DHDDS: variants seen among roughly 807,000 people sequenced by gnomAD.
DHDDS encodes the protein dehydrodolichyl diphosphate synthase complex subunit DHDDS.
A neutral mutation model predicts 46.2 loss-of-function variants in DHDDS; 16 were observed. That is an observed-to-expected ratio of 0.35 (90% CI 0.23 to 0.53). The LOEUF (loss-of-function observed/expected upper bound fraction) is 0.53, where lower values mean the gene tolerates loss of function less well. Among genes scored for constraint, DHDDS ranks in the 20% least tolerant of loss-of-function variants. The pLI, the probability that DHDDS is intolerant of heterozygous loss-of-function variation, is 0.94. For missense variants in DHDDS, 340 were observed against 423.7 expected (o/e 0.80, Z 1.73); for synonymous variants, 151 against 163.1 (o/e 0.93, Z 0.56).
intron 8 of DHDDS, among the ~76,000 whole-genome samples, chr1:26,463,742 G>T (rs1328568906): frequency 1.3e-5 from 2 of 152,156 alleles, no homozygotes; most frequent in Non-Finnish European, 2.9e-5. Flanking sequence ...CCGACCTCAG[G>T]TGATCTGCCC....
chr1:26,452,968 C>T (rs1182364861), intron 6 of DHDDS, among the ~76,000 whole-genome samples: 1 of 151,952 alleles, frequency 6.6e-6, no homozygotes, highest in African/African-American at 2.4e-5. Context: ...TGTGCTGGCA[C>T]ACACCTGTAG....
At chr1:26,442,351 G>T (rs2075226814) in intron 3 of DHDDS, among the ~76,000 whole-genome samples, 1 of 152,116 alleles carries the variant, frequency 6.6e-6, no homozygotes, top group South Asian at 2.1e-4. Flanking sequence ...TGTAAGGGAT[G>T]GATTGTGATC....
chr1:26,437,436 A>T (rs1428621628), intron 2 of DHDDS, among the ~76,000 whole-genome samples: 1 of 151,642 alleles, frequency 6.6e-6, no homozygotes. Flanking sequence ...GCTTGAGCCC[A>T]GGAGTTCGAG....
Position 26,433,014 on chromosome 1 carries a change from C to T in DHDDS, c.63+6C>T. On this transcript the variant is annotated splice_donor_region_variant and intron_variant, in intron 2 of 8. Coordinates refer to ENST00000236342, the MANE Select transcript of DHDDS (RefSeq NM_205861.3). ...TCTGTGCCAACATCATAAAGGTGAGCAATGGCCCAGAGCACCGGTTGGCCT... is the reference window on the plus strand; with the variant it reads ...TCTGTGCCAACATCATAAAGGTGAGTAATGGCCCAGAGCACCGGTTGGCCT... The T allele has an allele frequency of 1.2e-6, 2 of 1,614,138 alleles. No individual in the cohort carries two copies. The highest frequency in any genetic ancestry group is 1.7e-5 in the Admixed American group (1 of 60,022).
At chr1:26,443,101 C>T (rs2075235072) in intron 4 of DHDDS, 1 of 699,804 alleles carries the variant, frequency 1.4e-6, no homozygotes, top group Non-Finnish European at 2.1e-6. Flanking sequence ...AGGGGTGTCA[C>T]ATGATTTAAG....
In DHDDS at chr1:26,468,974, T is replaced by C. The variant is rs775810457; in HGVS notation, c.845T>C (p.Leu282Pro). 14 of 1,614,034 alleles carry C rather than the reference T, an allele frequency of 8.7e-6. No individual in the cohort carries two copies. Among genetic ancestry groups the C allele is most frequent in the Non-Finnish European group, 1.2e-5 (14 of 1,180,018 alleles). Residue 282 changes from leucine to proline, a missense_variant, in exon 9 of 9, where the codon CTG becomes CCG. Coordinates refer to ENST00000236342, the MANE Select transcript of DHDDS (RefSeq NM_205861.3). Reference protein sequence around the residue: ...RDQATVTEQLLREGLQASGDA... With the variant: ...RDQATVTEQLPREGLQASGDA... ...CAGGCTACAGTGACAGAGCAGCTGC[T>C]GCGAGAGGGGCTCCAAGCCAGTGGG...
chr1:26,443,037 ATTCT>A, intron 4 of DHDDS, 164 bp downstream of exon 4: 2 of 1,217,752 alleles, frequency 1.6e-6, no homozygotes, highest in Non-Finnish European at 2.2e-6. Context: ...ATAGTCTTTC[ATTCT>A]TTATTTCTAA....
intron 6 of DHDDS, 133 bp downstream of exon 6, chr1:26,447,793 G>T: frequency 1.3e-6 from 1 of 766,340 alleles, no homozygotes; most frequent in South Asian, 1.5e-5. Context: ...AGGAGTTCAA[G>T]ACCAGCCTGG....
intron 6 of DHDDS, among the ~76,000 whole-genome samples, chr1:26,457,229 G>A (rs536047202): frequency 5.9e-5 from 9 of 151,602 alleles, no homozygotes; most frequent in South Asian, 2.1e-4. Flanking sequence ...GAGGCCGAGG[G>A]GGGGGCGGAT....
chr1:26,433,269 C>A, intron 2 of DHDDS: 1 of 543,520 alleles, frequency 1.8e-6, no homozygotes, highest in Non-Finnish European at 3.3e-6. Flanking sequence ...TTATAGAGAA[C>A]TGAAATTTGT....
chr1:26,436,614 G>A (rs1288131220), intron 2 of DHDDS, among the ~76,000 whole-genome samples: 1 of 151,576 alleles, frequency 6.6e-6, no homozygotes, highest in Non-Finnish European at 1.5e-5. Context: ...TAGTAGAGAC[G>A]GGGTTTCACC....
intron 8 of DHDDS, among the ~76,000 whole-genome samples, chr1:26,460,977 G>A (rs1220520169): frequency 1.3e-5 from 2 of 152,176 alleles, no homozygotes; most frequent in Non-Finnish European, 2.9e-5. Flanking sequence ...GGGTTTGAAC[G>A]ATTCTCCTGT....
chr1:26,452,760 T>C (rs1213050182), intron 6 of DHDDS, among the ~76,000 whole-genome samples: 1 of 152,196 alleles, frequency 6.6e-6, no homozygotes, highest in Non-Finnish European at 1.5e-5. Context: ...TGTGGCATAT[T>C]GACTTCCTCA....
At chr1:26,451,409 TG>T (rs1166285275) in intron 6 of DHDDS, among the ~76,000 whole-genome samples, 4 of 27,452 alleles carry the variant, frequency 1.5e-4, no homozygotes, top group African/African-American at 9.0e-4. Context: ...TGTAGATGTG[TG>T]TGTGTGTGTG....
intron 2 of DHDDS, 120 bp downstream of exon 2, chr1:26,433,128 A>C (rs2075120190): frequency 5.7e-6 from 6 of 1,049,482 alleles, no homozygotes; most frequent in Non-Finnish European, 8.8e-6. Context: ...GAATTTAGCA[A>C]GGAAACCAAA....
chr1:26,448,045 T>C (rs2075286269), intron 6 of DHDDS: 1 of 468,202 alleles, frequency 2.1e-6, no homozygotes, highest in African/African-American at 1.9e-5. Context: ...GACAAAGCCA[T>C]GTTATTATTC....
Position 26,432,938 on chromosome 1 carries a change from A to C in DHDDS, c.-8A>C. 1 of 1,614,182 alleles carries C rather than the reference A, an allele frequency of 6.2e-7. No individual in the cohort carries two copies. Among genetic ancestry groups the C allele is most frequent in the African/African-American group, 1.3e-5 (1 of 75,054 alleles). Reference sequence around the variant, plus strand: ...GTTCTGGAGTGATCTTCTGACTGGAAAAGAACTATGTCATGGATCAAGGAA... The same window carrying C: ...GTTCTGGAGTGATCTTCTGACTGGACAAGAACTATGTCATGGATCAAGGAA... On this transcript the variant is annotated 5_prime_UTR_variant, in exon 2 of 9. Transcript: ENST00000236342.
At position 26,469,201 on chromosome 1, in the gene DHDDS, G is replaced by C; in HGVS notation, c.*70G>C. ...GGCTCCACTCCCCTTCCTTTTCTTG[G>C]TGAAAGGCACCTCCTTTCCTGATAA... On this transcript the variant is annotated 3_prime_UTR_variant, in exon 9 of 9. Coordinates refer to ENST00000236342, the MANE Select transcript of DHDDS (RefSeq NM_205861.3). 1 of 1,606,130 alleles carries C rather than the reference G, an allele frequency of 6.2e-7. No individual in the cohort carries two copies. Among genetic ancestry groups the C allele is most frequent in the South Asian group, 1.1e-5 (1 of 90,402 alleles).
chr1:26,447,846 A>G (rs900788331), intron 6 of DHDDS, 186 bp downstream of exon 6: 1 of 670,504 alleles, frequency 1.5e-6, no homozygotes, highest in African/African-American at 1.8e-5. Flanking sequence ...AACAACAAAA[A>G]AGCAGGCCTG....
Sources: gnomAD v4.1 joint callset for allele counts (sites outside exome capture counted in the v4.1 genomes callset) on GRCh38, gnomAD v4.1.1 for gene constraint, MANE v1.5 for transcripts, NCBI Gene and HGNC (gene_info 2026-07-23, HGNC 2026-07-21) for gene names.